ANO10: variants seen among roughly 807,000 people sequenced by gnomAD.
ANO10 encodes anoctamin-10.
ANO10 carries 77 observed loss-of-function variants against 74.7 expected under a neutral mutation model. The observed-to-expected ratio is 1.03, with a 90% CI of 0.86 to 1.25. ANO10 has a LOEUF of 1.25. Among genes scored for constraint, ANO10 ranks in the 50% most tolerant of loss-of-function variants. The pLI is 0.00. For synonymous variants in ANO10, 279 were observed against 284.9 expected (o/e 0.98, Z 0.21); for missense variants, 721 against 778.1 (o/e 0.93, Z 0.87).
chr3:43,370,772 T>G (rs953215662), intron 12 of ANO10, among the ~76,000 whole-genome samples: 2 of 152,186 alleles, frequency 1.3e-5, no homozygotes, highest in Non-Finnish European at 2.9e-5. Context: ...ACTGACTAAT[T>G]TTTTGCATCA....
intron 1 of ANO10, among the ~76,000 whole-genome samples, chr3:43,661,739 AAGCAG>A (rs1368477543): frequency 1.3e-5 from 2 of 152,228 alleles, no homozygotes; most frequent in Non-Finnish European, 2.9e-5. Flanking sequence ...AAGCAAAAAA[AAGCAG>A]GGGTTGCAAT....
intron 11 of ANO10, among the ~76,000 whole-genome samples, chr3:43,539,653 C>A (rs988749036): frequency 6.6e-6 from 1 of 152,170 alleles, no homozygotes; most frequent in Non-Finnish European, 1.5e-5. Context: ...AGATGAATAA[C>A]CCAAATCAGT....
At chr3:43,575,501 A>C (rs998523540) in intron 6 of ANO10, among the ~76,000 whole-genome samples, 2 of 152,182 alleles carry the variant, frequency 1.3e-5, no homozygotes, top group African/African-American at 4.8e-5. Context: ...TTCCCTCAAA[A>C]CAAGGCTGAC....
chr3:43,627,884 T>TTTTG (rs914189570), intron 1 of ANO10, among the ~76,000 whole-genome samples: 2 of 151,988 alleles, frequency 1.3e-5, no homozygotes, highest in Admixed American at 6.6e-5. Context: ...TAGTTGGGTT[T>TTTTG]TTTGTTTGTT....
chr3:43,402,164 TATC>T (rs2092493862), intron 12 of ANO10, among the ~76,000 whole-genome samples: 1 of 152,182 alleles, frequency 6.6e-6, no homozygotes, highest in Non-Finnish European at 1.5e-5. Context: ...AAAATGTAAT[TATC>T]ATAAATCCAT....
chr3:43,485,471 G>A (rs1263490818), intron 11 of ANO10, among the ~76,000 whole-genome samples: 2 of 152,100 alleles, frequency 1.3e-5, no homozygotes, highest in Admixed American at 6.6e-5. Flanking sequence ...CGTGACCCAC[G>A]ACTTCTAATA....
At chr3:43,640,301 C>T (rs1323543817) in intron 1 of ANO10, among the ~76,000 whole-genome samples, 1 of 152,192 alleles carries the variant, frequency 6.6e-6, no homozygotes, top group Non-Finnish European at 1.5e-5. Context: ...CAAGTCCATT[C>T]TGTTGTTTCT....
At chr3:43,404,688 T>G (rs1055285273) in intron 12 of ANO10, among the ~76,000 whole-genome samples, 1 of 151,552 alleles carries the variant, frequency 6.6e-6, no homozygotes, top group Non-Finnish European at 1.5e-5. Context: ...TTGAGACCAG[T>G]CTAGGCAACA....
intron 12 of ANO10, among the ~76,000 whole-genome samples, chr3:43,400,650 C>T (rs967780873): frequency 2.0e-5 from 3 of 152,080 alleles, no homozygotes; most frequent in Admixed American, 6.6e-5. Flanking sequence ...CATGGTGGCG[C>T]ACACCTGTAT....
chr3:43,556,881 G>C (rs1255551884), intron 9 of ANO10, among the ~76,000 whole-genome samples: 2 of 151,974 alleles, frequency 1.3e-5, no homozygotes, highest in African/African-American at 4.8e-5. Context: ...TAATAAAAAG[G>C]GTAAAAACTG....
chr3:43,433,834 C>A (rs1363037288), intron 11 of ANO10, among the ~76,000 whole-genome samples: 1 of 152,122 alleles, frequency 6.6e-6, no homozygotes, highest in Non-Finnish European at 1.5e-5. Context: ...GATAAAGCTG[C>A]CTCTGTGGTG....
Position 43,576,781 on chromosome 3 carries a change from A to G in ANO10, c.1073T>C (p.Leu358Pro). 6.2e-7 allele frequency: 1 copy of G among 1,614,196 alleles called. No individual in the cohort carries two copies. The highest frequency in any genetic ancestry group is 8.5e-7 in the Non-Finnish European group (1 of 1,180,026). The change falls in exon 6 of 13, where the codon CTG (leucine) becomes CCG (proline). Residue 358 changes from leucine to proline, a missense_variant. Physicochemically the swap from Leu to Pro is moderately conservative, Grantham distance 98 (BLOSUM62 -3). Coordinates refer to ENST00000292246, the MANE Select transcript of ANO10 (RefSeq NM_018075.5). Reference sequence around the variant, plus strand: ...ATAGATGATGCTGGGCACATACAACAGGACACTGGTCCACTCAGACCCGCT... The same window carrying G: ...ATAGATGATGCTGGGCACATACAACGGGACACTGGTCCACTCAGACCCGCT... ...ENSGSEWTSV[L>P]LYVPSIIYAI... is the part of the protein sequence containing the mutation.
At chr3:43,367,371 G>A (rs536556292) in intron 12 of ANO10, among the ~76,000 whole-genome samples, 5 of 152,200 alleles carry the variant, frequency 3.3e-5, no homozygotes, top group Non-Finnish European at 5.9e-5. Context: ...TCACTGAGCC[G>A]GAGTTTCCAA....
chr3:43,466,142 G>A (rs1456176770), intron 11 of ANO10, among the ~76,000 whole-genome samples: 1 of 152,072 alleles, frequency 6.6e-6, no homozygotes, highest in Admixed American at 6.6e-5. Flanking sequence ...GGAGGCTGAG[G>A]AGGGTGGATC....
intron 1 of ANO10, among the ~76,000 whole-genome samples, chr3:43,658,851 A>T (rs2083887524): frequency 6.6e-6 from 1 of 152,144 alleles, no homozygotes; most frequent in African/African-American, 2.4e-5. Context: ...GAGAGTAGTT[A>T]ACTTTAGAGA....
At chr3:43,681,307 C>G (rs2084195360) in intron 1 of ANO10, among the ~76,000 whole-genome samples, 1 of 151,916 alleles carries the variant, frequency 6.6e-6, no homozygotes, top group African/African-American at 2.4e-5. Context: ...GACTTTAAAC[C>G]AACAAAGATC....
chr3:43,391,551 T>C (rs2092275064), intron 12 of ANO10, among the ~76,000 whole-genome samples: 1 of 152,178 alleles, frequency 6.6e-6, no homozygotes, highest in Non-Finnish European at 1.5e-5. Context: ...TGAGTGTGGA[T>C]TGCACCTAGT....
At chr3:43,648,227 C>T (rs1314254374) in intron 1 of ANO10, among the ~76,000 whole-genome samples, 1 of 152,194 alleles carries the variant, frequency 6.6e-6, no homozygotes, top group Non-Finnish European at 1.5e-5. Context: ...GTCAGACTAG[C>T]TTAAATCCAG....
intron 11 of ANO10, among the ~76,000 whole-genome samples, chr3:43,457,575 C>T (rs907933738): frequency 6.6e-6 from 1 of 152,192 alleles, no homozygotes; most frequent in Non-Finnish European, 1.5e-5. Flanking sequence ...AATCACCTCC[C>T]TCCCTCAACA....
Sources: allele counts gnomAD v4.1 joint callset (sites outside exome capture counted in the v4.1 genomes callset), GRCh38; gene constraint gnomAD v4.1.1; transcripts MANE v1.5; gene names NCBI Gene and HGNC (gene_info 2026-07-23, HGNC 2026-07-21).